The following WNT3A variants were observed in gnomAD, a reference collection of about 807,000 sequenced individuals.
The protein encoded by WNT3A is protein Wnt-3a.
WNT3A carries 17 observed loss-of-function variants against 37.0 expected under a neutral mutation model. The ratio of observed to expected loss-of-function variants is 0.46; its 90% confidence interval spans 0.31 to 0.69. WNT3A has a LOEUF of 0.69. Among genes scored for constraint, WNT3A ranks in the 30% least tolerant of loss-of-function variants. The pLI is 0.05. For synonymous variants in WNT3A, 187 were observed against 211.0 expected, an observed-to-expected ratio of 0.89 and a Z score of 0.99; for missense variants, 411 against 510.2, an observed-to-expected ratio of 0.81 and a Z score of 1.87.
chr1:228,008,359 A>G lies in WNT3A; in HGVS notation c.71+1160A>G, dbSNP rs1260882337. Among the ~76,000 whole-genome samples the G allele has an allele frequency of 6.6e-6, 1 of 152,286 alleles. No individual in the cohort carries two copies. Among genetic ancestry groups the G allele is most frequent in the East Asian group, 1.9e-4 (1 of 5,158 alleles). On this transcript the variant is annotated intron_variant, in intron 1 of 3. Transcript: ENST00000284523. The surrounding 1 kb of genome is among the most constrained non-coding windows in gnomAD (Gnocchi z 4.9). ...GGGGAGACCCAGCGAGCCGAGGTAC[A>G]TCTAATCCGATAATAATTTTTCTCT...
intron 3 of WNT3A, among the ~76,000 whole-genome samples, chr1:228,052,847 G>A (rs2031587107): frequency 6.6e-6 from 1 of 152,204 alleles, no homozygotes; most frequent in Non-Finnish European, 1.5e-5. Flanking sequence ...GGGAGAAATG[G>A]GCTTTTCAAT....
intron 2 of WNT3A, among the ~76,000 whole-genome samples, chr1:228,049,693 C>T (rs541441019): frequency 2.4e-4 from 36 of 152,292 alleles, no homozygotes; most frequent in Non-Finnish European, 3.5e-4. Flanking sequence ...CAGCCATCCC[C>T]GTAGGTGTGA....
rs754980378 is a variant in WNT3A at position 228,022,925 on chromosome 1, G to C, written c.313+17G>C. 6.3e-7 allele frequency: 1 copy of C among 1,588,986 alleles called. No homozygotes were observed. Among genetic ancestry groups the C allele is most frequent in the South Asian group, 1.1e-5 (1 of 87,620 alleles). On this transcript the variant is annotated intron_variant, in intron 2 of 3. Coordinates refer to ENST00000284523, the MANE Select transcript of WNT3A (RefSeq NM_033131.4). ...TGGACAAAGGTATGGGGGTGGTCTGGGGGAGGGCAGATGAGTCTGGAGTGG... is the reference window on the plus strand; with the variant it reads ...TGGACAAAGGTATGGGGGTGGTCTGCGGGAGGGCAGATGAGTCTGGAGTGG...
intron 1 of WNT3A, among the ~76,000 whole-genome samples, chr1:228,012,568 C>T (rs1369256160): frequency 1.3e-5 from 2 of 152,196 alleles, no homozygotes; most frequent in East Asian, 1.9e-4. Flanking sequence ...CTGTAGCCCT[C>T]ATCCATTGGA....
At chr1:228,013,244 T>C (rs2030427819) in intron 1 of WNT3A, among the ~76,000 whole-genome samples, 1 of 152,072 alleles carries the variant, frequency 6.6e-6, no homozygotes, top group South Asian at 2.1e-4. Context: ...AGATGGGGTC[T>C]TGCTCCGTGG....
intron 2 of WNT3A, among the ~76,000 whole-genome samples, chr1:228,040,964 A>C (rs2031268666): frequency 7.4e-6 from 1 of 134,616 alleles, no homozygotes; most frequent in East Asian, 2.2e-4. Context: ...TTATGATGGT[A>C]GATATTTTAT....
rs116847514 is a variant in WNT3A at position 228,052,587 on chromosome 1, A to T, written c.579+1666A>T. On this transcript the variant is annotated intron_variant, in intron 3 of 3. Transcript: ENST00000284523. ...ATGGGCAGTGACGGGCGTAAGGACC[A>T]AGTGGCGTCCACGGGATTTAACAAC... 3.6e-3 allele frequency among the ~76,000 whole-genome samples: 554 copies of T among 152,330 alleles called. 11 individuals are homozygous for T. The highest frequency in any genetic ancestry group is 0.03 in the East Asian group (155 of 5,190).
Position 228,039,841 on chromosome 1 carries a change from A to G in WNT3A, c.314-10815A>G, listed in dbSNP as rs1277470331. Among the ~76,000 whole-genome samples, 1 of 152,134 alleles carries G rather than the reference A, an allele frequency of 6.6e-6. No homozygotes were observed. The highest frequency in any genetic ancestry group is 1.5e-5 in the Non-Finnish European group (1 of 68,008). On this transcript the variant is annotated intron_variant, in intron 2 of 3. Transcript: ENST00000284523. This position sits in a 1 kb window ranked among gnomAD's most constrained non-coding sequence, Gnocchi z 4.1. ...GACTGAGCACTCTGCCTCCCCGAGG[A>G]GCTGGATTTCATTGTCCTATGGTCG... is the stretch of plus-strand genomic sequence containing the variant.
At chr1:228,054,390 C>T (rs2031622034) in intron 3 of WNT3A, among the ~76,000 whole-genome samples, 2 of 151,780 alleles carry the variant, frequency 1.3e-5, no homozygotes, top group African/African-American at 4.8e-5. Flanking sequence ...TTTGGGAGGC[C>T]GAGGTGGGCG....
rs2031002502 is a variant in WNT3A at position 228,031,300 on chromosome 1, G to C, written c.313+8392G>C. Among the ~76,000 whole-genome samples, 1 of 152,190 alleles carries C rather than the reference G, an allele frequency of 6.6e-6. No individual in the cohort carries two copies. The highest frequency in any genetic ancestry group is 2.1e-4 in the South Asian group (1 of 4,836). ...GATGGTGGCCTTCCTGTGATCTTGA[G>C]TGAGAGGCAGCTCACTTCCTGGAGC... On this transcript the variant is annotated intron_variant, in intron 2 of 3. Transcript: ENST00000284523. This position sits in a 1 kb window ranked among gnomAD's most constrained non-coding sequence, Gnocchi z 4.8.
At chr1:228,048,956 T>G (rs984087355) in intron 2 of WNT3A, among the ~76,000 whole-genome samples, 2 of 152,206 alleles carry the variant, frequency 1.3e-5, no homozygotes, top group Non-Finnish European at 2.9e-5. Flanking sequence ...ACCACCCTTC[T>G]GCACAAGCAA....
chr1:228,024,816 A>G lies in WNT3A; in HGVS notation c.313+1908A>G, dbSNP rs936997630. Reference sequence around the variant, plus strand: ...ATCTATTTTGAGCTCATCTTTTTATATGGTATGAGGTAGGAATCTAACCAC... The same window carrying G: ...ATCTATTTTGAGCTCATCTTTTTATGTGGTATGAGGTAGGAATCTAACCAC... On this transcript the variant is annotated intron_variant, in intron 2 of 3. Coordinates refer to ENST00000284523, the MANE Select transcript of WNT3A (RefSeq NM_033131.4). Among the ~76,000 whole-genome samples, 3 of 152,206 alleles carry G rather than the reference A, an allele frequency of 2.0e-5. No individual in the cohort carries two copies. The East Asian group carries it at 5.8e-4, about 29-fold the overall frequency.
rs1168202119 is a variant in WNT3A at position 228,022,775 on chromosome 1, G to A, written c.180G>A (p.Val60=). 1.2e-6 allele frequency: 2 copies of A among 1,614,194 alleles called. No individual in the cohort carries two copies. The highest frequency in any genetic ancestry group is 1.7e-6 in the Non-Finnish European group (2 of 1,180,046). Residue 60 remains valine, a synonymous_variant, in exon 2 of 4, where the codon GTG becomes GTA. Coordinates refer to ENST00000284523, the MANE Select transcript of WNT3A (RefSeq NM_033131.4). ...AGCTCCGCTTCTGCAGGAACTACGTGGAGATCATGCCCAGCGTGGCCGAGG... is the reference window on the plus strand; with the variant it reads ...AGCTCCGCTTCTGCAGGAACTACGTAGAGATCATGCCCAGCGTGGCCGAGG... ...PKQLRFCRNY[V]EIMPSVAEGI... is the part of the protein sequence containing the mutation.
Position 228,008,656 on chromosome 1 carries a change from C to T in WNT3A, c.71+1457C>T, listed in dbSNP as rs1210281379. On this transcript the variant is annotated intron_variant, in intron 1 of 3. Coordinates refer to ENST00000284523, the MANE Select transcript of WNT3A (RefSeq NM_033131.4). The surrounding 1 kb of genome is among the most constrained non-coding windows in gnomAD (Gnocchi z 4.9). ...GCGCGTCCAGACGGCCGCAGGGAGC[C>T]AGGGGCAGCGCGTCCGTCCGAGAGA... 4.6e-5 allele frequency among the ~76,000 whole-genome samples: 7 copies of T among 152,160 alleles called. No individual in the cohort carries two copies. The highest frequency in any genetic ancestry group is 1.0e-4 in the Non-Finnish European group (7 of 68,008).
intron 3 of WNT3A, among the ~76,000 whole-genome samples, chr1:228,052,979 G>T (rs1216968308): frequency 1.3e-5 from 2 of 152,214 alleles, no homozygotes; most frequent in African/African-American, 4.8e-5. Context: ...GAGGTGTTTA[G>T]GTGATGAGGG....
Position 228,007,103 on chromosome 1 carries a change from G to T in WNT3A, c.-26G>T. 1 of 1,520,676 alleles carries T rather than the reference G, an allele frequency of 6.6e-7. No individual in the cohort carries two copies. Among genetic ancestry groups the T allele is most frequent in the Non-Finnish European group, 8.8e-7 (1 of 1,133,060 alleles). The allele number at this position is 1,520,676 out of a possible 1,614,324, so 94.2% of individuals were successfully genotyped here. On this transcript the variant is annotated 5_prime_UTR_variant, in exon 1 of 4. Coordinates refer to ENST00000284523, the MANE Select transcript of WNT3A (RefSeq NM_033131.4). The surrounding 1 kb of genome is among the most constrained non-coding windows in gnomAD (Gnocchi z 6.0). ...GCTCACGCTCTCGGGGCGGACTCCC[G>T]GCCCTCCGCGCCCTCTCGCGCGGCG...
chr1:228,032,274 AG>A lies in WNT3A; in HGVS notation c.313+9367del, dbSNP rs1349604316. Among the ~76,000 whole-genome samples the A allele has an allele frequency of 9.9e-5, 15 of 152,162 alleles. 1 individual carries two copies. Among genetic ancestry groups the A allele is most frequent in the African/African-American group, 3.6e-4 (15 of 41,448 alleles). ...ACCCTTGGGTCTGTCCTCCAAGCTG[AG>A]CCTTGGGGAGCCTGTGCATCACTGT... On this transcript the variant is annotated intron_variant, in intron 2 of 3. Transcript: ENST00000284523.
intron 2 of WNT3A, among the ~76,000 whole-genome samples, chr1:228,041,519 TCATCCATCCATCCATC>T (rs10555310): frequency 3.3e-5 from 5 of 150,444 alleles, no homozygotes; most frequent in Non-Finnish European, 7.4e-5. Flanking sequence ...ATCCATCAAT[TCATCCATCCATCCATC>T]CATCCATCCA....
At chr1:228,041,836 C>T (rs1373142911) in intron 2 of WNT3A, among the ~76,000 whole-genome samples, 1 of 152,078 alleles carries the variant, frequency 6.6e-6, no homozygotes, top group Non-Finnish European at 1.5e-5. Context: ...CTGGTTCATT[C>T]TCCTTACCAA....
Sources: gnomAD v4.1 joint callset for allele counts (sites outside exome capture counted in the v4.1 genomes callset) on GRCh38, gnomAD v4.1.1 for gene constraint, Gnocchi (gnomAD v3.1) non-coding constraint, MANE v1.5 for transcripts, NCBI Gene and HGNC (gene_info 2026-07-23, HGNC 2026-07-21) for gene names.